Variants in PIAS1 observed in about 807,000 individuals in gnomAD.
PIAS1 encodes protein inhibitor of activated STAT 1.
PIAS1 carries 6 observed loss-of-function variants against 71.3 expected under a neutral mutation model. That is an observed-to-expected ratio of 0.08 (90% CI 0.05 to 0.17). The LOEUF is 0.17. PIAS1 is among the 10% of genes least tolerant of loss of function. The pLI, the probability that PIAS1 is intolerant of heterozygous loss-of-function variation, is 1.00. For missense variants in PIAS1, 555 were observed against 793.6 expected (o/e 0.70, Z 3.61); for synonymous variants, 303 against 292.9 (o/e 1.03, Z -0.35).
chr15:68,149,006 G>C (rs1277716867), intron 6 of PIAS1, among the ~76,000 whole-genome samples: 1 of 152,112 alleles, frequency 6.6e-6, no homozygotes, highest in South Asian at 2.1e-4. Context: ...TGGTTTCTGG[G>C]TGGGGGGCTA....
chr15:68,112,533 C>T (rs747182438), intron 2 of PIAS1, among the ~76,000 whole-genome samples: 1 of 151,992 alleles, frequency 6.6e-6, no homozygotes, highest in South Asian at 2.1e-4. Context: ...TAGTCATTTC[C>T]CAGTTTGGAA....
At chr15:68,055,068 C>A in intron 1 of PIAS1, 2 of 273,412 alleles carry the variant, frequency 7.3e-6, no homozygotes, top group Non-Finnish European at 1.1e-5. Flanking sequence ...TTCCGGGCAG[C>A]CGAGGGGAGA....
rs1225272588 is a variant in PIAS1 at position 68,175,711 on chromosome 15, C to T, written c.1244C>T (p.Pro415Leu). The change falls in exon 10 of 14, where the codon CCG becomes CTG. Residue 415 changes from proline to leucine, a missense_variant. This residue lies in a region of PIAS1 where 244 missense variants were observed against 307.5 expected (regional missense o/e 0.79). Coordinates refer to ENST00000249636, the MANE Select transcript of PIAS1 (RefSeq NM_016166.3). ...TTTAAGGAGGATGGCACTTGGGCACCGATGAGATCAAAAAAGGAAGTACAG... is the reference window on the plus strand; with the variant it reads ...TTTAAGGAGGATGGCACTTGGGCACTGATGAGATCAAAAAAGGAAGTACAG... The part of the protein sequence containing the change: ...IQFKEDGTWA[P>L]MRSKKEVQEV... 6.2e-6 allele frequency: 10 copies of T among 1,605,028 alleles called. No homozygotes were observed. The highest frequency in any genetic ancestry group is 1.7e-4 in the Middle Eastern group (1 of 6,038).
At chr15:68,122,248 T>C (rs1488388141) in intron 2 of PIAS1, among the ~76,000 whole-genome samples, 1 of 152,152 alleles carries the variant, frequency 6.6e-6, no homozygotes, top group African/African-American at 2.4e-5. Context: ...GTTGATATGG[T>C]AGTTGACTTC....
chr15:68,180,252 C>G (rs1401044458), intron 11 of PIAS1, among the ~76,000 whole-genome samples: 1 of 152,006 alleles, frequency 6.6e-6, no homozygotes, highest in Non-Finnish European at 1.5e-5. Flanking sequence ...ATACGTGCCA[C>G]CAGGCCTGGC....
intron 2 of PIAS1, among the ~76,000 whole-genome samples, chr15:68,099,094 T>G (rs2092402041): frequency 6.6e-6 from 1 of 152,100 alleles, no homozygotes; most frequent in African/African-American, 2.4e-5. Flanking sequence ...CTCATTATAG[T>G]TTTAACTTGC....
chr15:68,190,802 C>T lies in PIAS1; in HGVS notation c.*2967C>T, dbSNP rs1370008335. On this transcript the variant is annotated 3_prime_UTR_variant, in exon 14 of 14. Transcript: ENST00000249636. The surrounding 1 kb of genome is among the most constrained non-coding windows in gnomAD (Gnocchi z 4.7). ...CCAGAACCATGCCATACTTGGTTGA[C>T]TATTTTGAGCATTAAAATTGCTTTA... 69 of 151,798 alleles carry T rather than the reference C, an allele frequency of 4.5e-4. 1 individual carries two copies. Among genetic ancestry groups the T allele is most frequent in the Admixed American group, 4.5e-3 (69 of 15,244 alleles). 9.4% of individuals were successfully genotyped at this position (151,798 alleles called of 1,614,324 possible).
intron 2 of PIAS1, among the ~76,000 whole-genome samples, chr15:68,115,393 A>C (rs1370347029): frequency 6.6e-6 from 1 of 152,122 alleles, no homozygotes; most frequent in Non-Finnish European, 1.5e-5. Flanking sequence ...TTATATGGAA[A>C]TACGACTGGT....
At chr15:68,184,164 C>A (rs1315085757) in intron 13 of PIAS1, 1 of 152,146 alleles carries the variant, frequency 6.6e-6, no homozygotes, top group Non-Finnish European at 1.5e-5. Flanking sequence ...ATACAAAATC[C>A]ACAGCTAATG....
At chr15:68,161,656 G>A (rs569687354) in intron 7 of PIAS1, among the ~76,000 whole-genome samples, 2 of 152,062 alleles carry the variant, frequency 1.3e-5, no homozygotes, top group East Asian at 3.9e-4. Context: ...TTTGTTGCCA[G>A]CATGGTGGCT....
At chr15:68,065,482 TTG>T (rs1284925033) in intron 1 of PIAS1, among the ~76,000 whole-genome samples, 5 of 151,570 alleles carry the variant, frequency 3.3e-5, no homozygotes, top group African/African-American at 4.9e-5. Context: ...TTCCAGCTGC[TTG>T]GGAGGCTGAA....
intron 1 of PIAS1, among the ~76,000 whole-genome samples, chr15:68,074,413 C>T (rs1335381310): frequency 6.6e-6 from 1 of 152,164 alleles, no homozygotes; most frequent in Non-Finnish European, 1.5e-5. Flanking sequence ...AAGCCATCCT[C>T]CCACCTCAGC....
chr15:68,072,353 T>G (rs1381100841), intron 1 of PIAS1, among the ~76,000 whole-genome samples: 1 of 119,716 alleles, frequency 8.4e-6, no homozygotes, highest in African/African-American at 3.3e-5. Context: ...TGAGCTGAAA[T>G]CAGGCCACTG....
At chr15:68,125,927 G>C (rs1489995746) in intron 2 of PIAS1, among the ~76,000 whole-genome samples, 5 of 152,078 alleles carry the variant, frequency 3.3e-5, no homozygotes, top group African/African-American at 9.7e-5. Context: ...TCAAATTCCT[G>C]GCCTCAAGCA....
At chr15:68,060,484 G>A (rs977632511) in intron 1 of PIAS1, among the ~76,000 whole-genome samples, 2 of 151,998 alleles carry the variant, frequency 1.3e-5, no homozygotes, top group South Asian at 2.1e-4. Flanking sequence ...GTGGTGGTGC[G>A]CACCTGTAAT....
intron 5 of PIAS1, among the ~76,000 whole-genome samples, chr15:68,146,358 A>G (rs1055788107): frequency 6.6e-6 from 1 of 152,164 alleles, no homozygotes; most frequent in East Asian, 1.9e-4. Flanking sequence ...TTCATCACTA[A>G]TAGTTTTCTC....
chr15:68,161,345 A>G (rs1204401592), intron 7 of PIAS1, among the ~76,000 whole-genome samples: 2 of 152,206 alleles, frequency 1.3e-5, no homozygotes, highest in African/African-American at 2.4e-5. Flanking sequence ...AGATTGAAAG[A>G]TTCTATTGTT....
intron 1 of PIAS1, among the ~76,000 whole-genome samples, chr15:68,058,871 G>A (rs1384646917): frequency 6.6e-6 from 1 of 151,830 alleles, no homozygotes; most frequent in East Asian, 1.9e-4. Context: ...ATCATAAAAA[G>A]ATACAACACT....
intron 2 of PIAS1, among the ~76,000 whole-genome samples, chr15:68,100,698 G>A (rs2092416101): frequency 1.3e-5 from 2 of 152,064 alleles, no homozygotes. Context: ...GGGCTGTATG[G>A]TAGTTTTAGT....
Sources: allele counts gnomAD v4.1 joint callset (sites outside exome capture counted in the v4.1 genomes callset), GRCh38; gene constraint gnomAD v4.1.1; regional missense constraint gnomAD v4.1.1; non-coding constraint Gnocchi (gnomAD v3.1); transcripts MANE v1.5; gene names NCBI Gene and HGNC (gene_info 2026-07-23, HGNC 2026-07-21).